The following CHST9 variants were observed in gnomAD, a reference collection of about 807,000 sequenced individuals.
CHST9 encodes the protein carbohydrate sulfotransferase 9.
In CHST9, 41 loss-of-function variants were observed where a neutral mutation model predicts 44.4. The ratio of observed to expected loss-of-function variants is 0.92; its 90% CI spans 0.72 to 1.20. The LOEUF (loss-of-function observed/expected upper bound fraction) is 1.20, where lower values mean the gene tolerates loss of function less well. Ranked by LOEUF, CHST9 falls within the 50% of genes most tolerant of loss-of-function variation. The pLI is 0.00. For synonymous variants in CHST9, 171 were observed against 178.4 expected, an observed-to-expected ratio of 0.96 and a Z score of 0.33; for missense variants, 504 against 516.5, an observed-to-expected ratio of 0.98 and a Z score of 0.23.
At chr18:27,052,292 GTATATATGTATATATGTGTGTA>G (rs879781978) in intron 2 of CHST9, among the ~76,000 whole-genome samples, 3,834 of 147,038 alleles carry the variant, frequency 0.026, 70 homozygotes, top group African/African-American at 0.043. Context: ...ATATATGTGT[GTATATATGTATATATGTGTGTA>G]TATATATGTA....
At chr18:26,918,069 A>C (rs975554106) in intron 5 of CHST9, among the ~76,000 whole-genome samples, 10 of 152,176 alleles carry the variant, frequency 6.6e-5, no homozygotes, top group African/African-American at 2.4e-4. Context: ...GGTAGAGCAA[A>C]AATGTAGTTA....
At position 27,014,453 on chromosome 18, in the gene CHST9, C is replaced by CAAAA. The variant is rs57437876; in HGVS notation, c.202+9659_202+9662dup. On this transcript the variant is annotated intron_variant, in intron 4 of 5. Coordinates refer to ENST00000618847, the MANE Select transcript of CHST9 (RefSeq NM_031422.6). ...TGGGCGACAGAGCGAGACTCTGTCT[C>CAAAA]AAAAAAAAAAAAAAAAAAAAAAAAA... is the stretch of plus-strand genomic sequence containing the variant. Among the ~76,000 whole-genome samples the CAAAA allele has an allele frequency of 2.8e-3, 111 of 39,436 alleles. 14 individuals are homozygous for CAAAA. The highest frequency in any genetic ancestry group is 3.4e-3 in the Non-Finnish European group (81 of 24,028). The allele number at this position is 39,436 out of a possible 152,430, so 25.9% of individuals were successfully genotyped here.
intron 5 of CHST9, among the ~76,000 whole-genome samples, chr18:26,927,617 G>A (rs985575636): frequency 1.3e-5 from 2 of 152,126 alleles, no homozygotes; most frequent in African/African-American, 4.8e-5. Context: ...GCATTAAAGA[G>A]CAGTATTGCC....
chr18:27,142,007 A>G (rs1048350206), intron 2 of CHST9, among the ~76,000 whole-genome samples: 23 of 152,210 alleles, frequency 1.5e-4, no homozygotes, highest in Non-Finnish European at 8.8e-5. Context: ...ATTGAAAGAC[A>G]AAAGTACAAG....
intron 4 of CHST9, among the ~76,000 whole-genome samples, chr18:27,021,681 C>T (rs1185561778): frequency 6.6e-6 from 1 of 152,158 alleles, no homozygotes; most frequent in Non-Finnish European, 1.5e-5. Flanking sequence ...TTCCTCTTTC[C>T]CCAGAGATAA....
chr18:27,105,340 A>T (rs756486103), intron 2 of CHST9, among the ~76,000 whole-genome samples: 14 of 152,154 alleles, frequency 9.2e-5, no homozygotes, highest in African/African-American at 1.9e-4. Flanking sequence ...CTCTTTGATC[A>T]ATTTCTTCTC....
chr18:26,940,432 G>A (rs1457101019), intron 5 of CHST9, among the ~76,000 whole-genome samples: 1 of 152,158 alleles, frequency 6.6e-6, no homozygotes, highest in Non-Finnish European at 1.5e-5. Flanking sequence ...CCCAGTCAGG[G>A]TTAAAATCAC....
chr18:26,929,172 A>G (rs551111558), intron 5 of CHST9, among the ~76,000 whole-genome samples: 2 of 152,238 alleles, frequency 1.3e-5, no homozygotes, highest in South Asian at 4.2e-4. Flanking sequence ...ACACCCTACA[A>G]CTAGATGGAA....
intron 2 of CHST9, among the ~76,000 whole-genome samples, chr18:27,110,998 G>A (rs568236243): frequency 4.5e-4 from 69 of 152,336 alleles, no homozygotes; most frequent in Non-Finnish European, 8.8e-4. Flanking sequence ...TCCACTGATC[G>A]TCCTGGATAG....
At chr18:27,023,705 T>C (rs2057250661) in intron 4 of CHST9, among the ~76,000 whole-genome samples, 1 of 152,242 alleles carries the variant, frequency 6.6e-6, no homozygotes, top group Non-Finnish European at 1.5e-5. Context: ...TAGCAGTATC[T>C]GAATTAATGA....
At chr18:27,179,696 G>A (rs1236699195) in intron 1 of CHST9, among the ~76,000 whole-genome samples, 1 of 151,840 alleles carries the variant, frequency 6.6e-6, no homozygotes, top group Non-Finnish European at 1.5e-5. Flanking sequence ...TGTATAACCT[G>A]GTACATAATT....
At chr18:27,174,560 G>A (rs564402311) in intron 1 of CHST9, among the ~76,000 whole-genome samples, 56 of 151,908 alleles carry the variant, frequency 3.7e-4, no homozygotes, top group African/African-American at 1.3e-3. Flanking sequence ...CAATCTGTAG[G>A]GTGACATGAA....
chr18:26,959,187 C>A (rs8091201), intron 4 of CHST9, among the ~76,000 whole-genome samples: 19,433 of 152,148 alleles, frequency 0.13, 2,790 homozygotes, highest in African/African-American at 0.36. Context: ...AGCTAGAGGC[C>A]ATTATCCTAA....
intron 1 of CHST9, among the ~76,000 whole-genome samples, chr18:27,163,323 G>T (rs190496532): frequency 6.6e-6 from 1 of 152,180 alleles, no homozygotes; most frequent in Non-Finnish European, 1.5e-5. Flanking sequence ...TAGGAGAACC[G>T]CTACTCTCTT....
intron 4 of CHST9, among the ~76,000 whole-genome samples, chr18:27,008,602 T>G (rs1387892501): frequency 6.6e-6 from 1 of 152,206 alleles, no homozygotes; most frequent in Admixed American, 6.5e-5. Flanking sequence ...TTTCTTTAAG[T>G]TGACAATCCT....
chr18:27,101,591 A>G (rs2058173173), intron 2 of CHST9, among the ~76,000 whole-genome samples: 1 of 151,992 alleles, frequency 6.6e-6, no homozygotes, highest in Admixed American at 6.6e-5. Flanking sequence ...GCCTGGGTGA[A>G]AGAGCGAGAC....
chr18:27,072,094 C>T (rs973128598), intron 2 of CHST9, among the ~76,000 whole-genome samples: 8 of 152,144 alleles, frequency 5.3e-5, no homozygotes, highest in African/African-American at 1.9e-4. Flanking sequence ...TTTGATTGGA[C>T]TATAGCTGGG....
chr18:27,117,471 A>T (rs2058336770), intron 2 of CHST9, among the ~76,000 whole-genome samples: 1 of 152,206 alleles, frequency 6.6e-6, no homozygotes, highest in Non-Finnish European at 1.5e-5. Flanking sequence ...TAAATGTATA[A>T]CAACATATAT....
At chr18:27,016,864 A>T (rs543369591) in intron 4 of CHST9, among the ~76,000 whole-genome samples, 140 of 152,344 alleles carry the variant, frequency 9.2e-4, no homozygotes, top group African/African-American at 3.2e-3. Flanking sequence ...TATGCAATAC[A>T]TAATATTATT....
Sources: gnomAD v4.1 joint callset for allele counts (sites outside exome capture counted in the v4.1 genomes callset) on GRCh38, gnomAD v4.1.1 for gene constraint, MANE v1.5 for transcripts, NCBI Gene and HGNC (gene_info 2026-07-23, HGNC 2026-07-21) for gene names.